BCAT1: variants seen among roughly 807,000 people sequenced by gnomAD.
The protein encoded by BCAT1 is branched chain amino acid transaminase 1.
A neutral mutation model predicts 52.4 loss-of-function variants in BCAT1; 48 were observed. That is an observed-to-expected ratio of 0.92 (90% CI 0.73 to 1.16). The LOEUF (loss-of-function observed/expected upper bound fraction) is 1.16, where lower values mean the gene tolerates loss of function less well. BCAT1 is among the 50% of genes most tolerant of loss of function. The pLI, the probability that BCAT1 is intolerant of heterozygous loss-of-function variation, is 0.00. For synonymous variants in BCAT1, 167 were observed against 161.3 expected (o/e 1.04, Z -0.27); for missense variants, 451 against 457.1 (o/e 0.99, Z 0.12).
At position 24,816,215 on chromosome 12, in the gene BCAT1, C is replaced by T. The variant is rs1939869934; in HGVS notation, c.*1793G>A. On this transcript the variant is annotated 3_prime_UTR_variant, in exon 11 of 11. Coordinates refer to ENST00000261192, the MANE Select transcript of BCAT1 (RefSeq NM_005504.7). The stretch of plus-strand genomic sequence containing the variant: ...AAAGTTTTGGAAAAGAATCAAAGCC[C>T]ATTTTCTATGTGTTGCTAAATGCCT... 1 of 303,438 alleles carries T rather than the reference C, an allele frequency of 3.3e-6. No homozygotes were observed. Among genetic ancestry groups the T allele is most frequent in the South Asian group, 1.6e-4 (1 of 6,200 alleles). 18.8% of individuals were successfully genotyped at this position (303,438 alleles called of 1,614,324 possible).
intron 1 of BCAT1, among the ~76,000 whole-genome samples, chr12:24,922,897 G>T (rs1943521597): frequency 6.6e-6 from 1 of 151,766 alleles, no homozygotes; most frequent in South Asian, 2.1e-4. Context: ...AATTTACAAG[G>T]CAAAAATCAG....
Position 24,813,397 on chromosome 12 carries a change from T to A in BCAT1, c.*4611A>T, listed in dbSNP as rs940099196. 2.6e-5 allele frequency: 4 copies of A among 152,086 alleles called. No homozygotes were observed. Among genetic ancestry groups the A allele is most frequent in the African/African-American group, 9.6e-5 (4 of 41,454 alleles). 9.4% of individuals were successfully genotyped at this position (152,086 alleles called of 1,614,324 possible). A position where few individuals can be genotyped will look rare whatever the true frequency, so the allele number is the denominator to read the frequency against. Reference sequence around the variant, plus strand: ...ATATGAAAGTTATTTTCTGAATAGCTGGATCCATCACCTTCAAGCTAATAC... The same window carrying A: ...ATATGAAAGTTATTTTCTGAATAGCAGGATCCATCACCTTCAAGCTAATAC... On this transcript the variant is annotated 3_prime_UTR_variant, in exon 11 of 11. Coordinates refer to ENST00000261192, the MANE Select transcript of BCAT1 (RefSeq NM_005504.7).
At chr12:24,902,001 A>G in intron 1 of BCAT1, 116 bp from the exon 2 acceptor site, 2 of 1,596,270 alleles carry the variant, frequency 1.3e-6, no homozygotes, top group Non-Finnish European at 1.7e-6. Context: ...CCAGGCAAAC[A>G]CAAAAAAGGA....
At chr12:24,834,251 T>A in intron 8 of BCAT1, 1 of 984,334 alleles carries the variant, frequency 1.0e-6, no homozygotes, top group Non-Finnish European at 1.2e-6. Context: ...TTTTTTTTCC[T>A]AATATGACTA....
chr12:24,902,872 C>A (rs1157692784), intron 1 of BCAT1: 33 of 1,505,488 alleles, frequency 2.2e-5, no homozygotes, highest in Non-Finnish European at 2.9e-5. Context: ...GACAAGGCGC[C>A]CGGCCAGGCC....
At chr12:24,946,485 G>T (rs1229088434) in intron 1 of BCAT1, among the ~76,000 whole-genome samples, 1 of 152,130 alleles carries the variant, frequency 6.6e-6, no homozygotes, top group Non-Finnish European at 1.5e-5. Flanking sequence ...AAGTTGAGAA[G>T]AATTTATATT....
At chr12:24,853,095 C>CT (rs1941562853) in intron 5 of BCAT1, among the ~76,000 whole-genome samples, 1 of 152,142 alleles carries the variant, frequency 6.6e-6, no homozygotes, top group African/African-American at 2.4e-5. Context: ...TTCTGTGCTA[C>CT]TGTTAAGAGT....
At chr12:24,847,253 A>G (rs962999810) in intron 6 of BCAT1, among the ~76,000 whole-genome samples, 6 of 152,208 alleles carry the variant, frequency 3.9e-5, no homozygotes, top group African/African-American at 1.4e-4. Context: ...CTGAAAGGCA[A>G]GTACAAAGAT....
chr12:24,921,520 C>T (rs1335555134), intron 1 of BCAT1, among the ~76,000 whole-genome samples: 2 of 152,124 alleles, frequency 1.3e-5, no homozygotes, highest in Non-Finnish European at 2.9e-5. Context: ...TCTTTTTCAC[C>T]AATGATGATG....
chr12:24,934,305 G>GT (rs1943722140), intron 1 of BCAT1, among the ~76,000 whole-genome samples: 1 of 152,190 alleles, frequency 6.6e-6, no homozygotes, highest in Non-Finnish European at 1.5e-5. Flanking sequence ...TGCCATGATT[G>GT]TAAGTTTCCT....
chr12:24,904,638 C>T (rs375782947), intron 1 of BCAT1: 18 of 152,364 alleles, frequency 1.2e-4, no homozygotes, highest in African/African-American at 4.3e-4. Context: ...CATGGCTGCA[C>T]CTATGTGCTG....
At chr12:24,855,909 T>C (rs1411081105) in intron 5 of BCAT1, among the ~76,000 whole-genome samples, 1 of 152,138 alleles carries the variant, frequency 6.6e-6, no homozygotes, top group Non-Finnish European at 1.5e-5. Flanking sequence ...GTTACAAGCA[T>C]GAGCCACCAC....
chr12:24,868,730 AC>A (rs1398729636), intron 5 of BCAT1, among the ~76,000 whole-genome samples: 1 of 152,248 alleles, frequency 6.6e-6, no homozygotes, highest in African/African-American at 2.4e-5. Flanking sequence ...CCTTGGAGTA[AC>A]AAAAAATTTC....
At chr12:24,942,517 G>A (rs993497019) in intron 1 of BCAT1, among the ~76,000 whole-genome samples, 7 of 150,190 alleles carry the variant, frequency 4.7e-5, no homozygotes, top group African/African-American at 1.5e-4. Flanking sequence ...GCACTCCAGC[G>A]TGGGTGACAG....
intron 1 of BCAT1, among the ~76,000 whole-genome samples, chr12:24,920,601 T>C (rs935146862): frequency 6.6e-6 from 1 of 152,186 alleles, no homozygotes. Context: ...CCCCAAAATA[T>C]ATAGGGATTT....
intron 5 of BCAT1, among the ~76,000 whole-genome samples, chr12:24,850,849 T>C (rs1190660333): frequency 1.3e-5 from 2 of 152,200 alleles, no homozygotes; most frequent in Non-Finnish European, 2.9e-5. Flanking sequence ...TTGAGAATGG[T>C]TCTTTGCTCA....
intron 1 of BCAT1, among the ~76,000 whole-genome samples, chr12:24,933,652 G>C (rs1475159973): frequency 1.3e-5 from 2 of 152,070 alleles, no homozygotes; most frequent in East Asian, 1.9e-4. Flanking sequence ...TATGTTTTCT[G>C]GGGTATATAC....
intron 1 of BCAT1, among the ~76,000 whole-genome samples, chr12:24,930,684 G>A (rs886340232): frequency 3.9e-5 from 6 of 152,086 alleles, no homozygotes; most frequent in Non-Finnish European, 8.8e-5. Context: ...TCCTTGCTTG[G>A]CTGACAATTT....
intron 1 of BCAT1, among the ~76,000 whole-genome samples, chr12:24,943,726 T>C (rs1318338507): frequency 6.6e-6 from 1 of 152,198 alleles, no homozygotes; most frequent in Admixed American, 6.5e-5. Flanking sequence ...GGCTCACGCC[T>C]GTAATCCCAG....
Sources: gnomAD v4.1 joint callset for allele counts (sites outside exome capture counted in the v4.1 genomes callset) on GRCh38, gnomAD v4.1.1 for gene constraint, MANE v1.5 for transcripts, NCBI Gene and HGNC (gene_info 2026-07-23, HGNC 2026-07-21) for gene names.